The following MYL9 variants were observed in gnomAD, a reference collection of about 807,000 sequenced individuals.
MYL9 encodes myosin regulatory light polypeptide 9.
Under a neutral mutation model 12.8 loss-of-function variants are expected in MYL9, and 7 were observed. That is an observed-to-expected ratio of 0.55 (90% CI 0.31 to 1.03). The LOEUF is 1.03. Ranked by LOEUF, MYL9 falls within the 50% of genes least tolerant of loss-of-function variation. MYL9 has a pLI of 0.05. For synonymous variants in MYL9, 81 were observed against 87.8 expected, an observed-to-expected ratio of 0.92 and a Z score of 0.43; for missense variants, 190 against 242.7, an observed-to-expected ratio of 0.78 and a Z score of 1.44.
chr20:36,551,383 A>T lies in MYL9; in HGVS notation c.*2134A>T, dbSNP rs1005267697. The stretch of plus-strand genomic sequence containing the variant: ...GCAGATTTAAATGCATGAAGTCAAC[A>T]TTCTTTTTGTAGAGCTAAAGAAACC... On this transcript the variant is annotated 3_prime_UTR_variant, in exon 4 of 4. Coordinates refer to ENST00000279022, the MANE Select transcript of MYL9 (RefSeq NM_006097.5). 1 of 152,236 alleles carries T rather than the reference A, an allele frequency of 6.6e-6. No individual in the cohort carries two copies. The highest frequency in any genetic ancestry group is 1.5e-5 in the Non-Finnish European group (1 of 68,044). The allele number at this position is 152,236 out of a possible 1,614,324, so 9.4% of individuals were successfully genotyped here.
chr20:36,545,731 T>C (rs58415912), intron 2 of MYL9, among the ~76,000 whole-genome samples: 15,785 of 151,216 alleles, frequency 0.1, 1,585 homozygotes, highest in African/African-American at 0.26. Context: ...AAGATCGAGA[T>C]CATCCTGGCT....
At position 36,549,059 on chromosome 20, in the gene MYL9, C is replaced by T; in HGVS notation, c.347-18C>T. 6.2e-7 allele frequency: 1 copy of T among 1,609,464 alleles called. No homozygotes were observed. The highest frequency in any genetic ancestry group is 8.5e-7 in the Non-Finnish European group (1 of 1,178,082). Reference sequence around the variant, plus strand: ...CAGCCCAAGTTCCTGCTCTCACCCACCCTGCCCCTGCCCGCAGGTTTCATC... The same window carrying T: ...CAGCCCAAGTTCCTGCTCTCACCCATCCTGCCCCTGCCCGCAGGTTTCATC... On this transcript the variant is annotated intron_variant, in intron 3 of 3. Coordinates refer to ENST00000279022, the MANE Select transcript of MYL9 (RefSeq NM_006097.5).
chr20:36,542,322 G>A (rs914349752), intron 1 of MYL9, among the ~76,000 whole-genome samples: 1 of 152,176 alleles, frequency 6.6e-6, no homozygotes, highest in Non-Finnish European at 1.5e-5. Context: ...CCAGCTCCAG[G>A]GGCTGGAGGT....
At chr20:36,548,551 G>A (rs942642292) in intron 3 of MYL9, among the ~76,000 whole-genome samples, 1 of 152,152 alleles carries the variant, frequency 6.6e-6, no homozygotes, top group African/African-American at 2.4e-5. Context: ...TTTTCCCAGG[G>A]ACATGTCAGG....
Position 36,549,411 on chromosome 20 carries a change from C to A in MYL9, c.*162C>A. On this transcript the variant is annotated 3_prime_UTR_variant, in exon 4 of 4. Coordinates refer to ENST00000279022, the MANE Select transcript of MYL9 (RefSeq NM_006097.5). ...GAAACAGGCCAGGAGAAGTGCGTGCCGAGCTGAGGCAGATGTTCCCACAGT... is the reference window on the plus strand; with the variant it reads ...GAAACAGGCCAGGAGAAGTGCGTGCAGAGCTGAGGCAGATGTTCCCACAGT... 1.5e-6 allele frequency: 1 copy of A among 652,928 alleles called. No individual in the cohort carries two copies. The highest frequency in any genetic ancestry group is 1.9e-5 in the South Asian group (1 of 51,500). The allele number at this position is 652,928 out of a possible 1,614,324, so 40.4% of individuals were successfully genotyped here.
chr20:36,542,984 G>A (rs1168201671), intron 1 of MYL9, among the ~76,000 whole-genome samples: 1 of 152,330 alleles, frequency 6.6e-6, no homozygotes, highest in African/African-American at 2.4e-5. Context: ...GACAGTGATG[G>A]CCATCACAGC....
intron 1 of MYL9, among the ~76,000 whole-genome samples, chr20:36,543,878 C>T (rs1277883635): frequency 6.6e-6 from 1 of 152,042 alleles, no homozygotes; most frequent in East Asian, 1.9e-4. Flanking sequence ...CTGGGAGTGT[C>T]CAGGGAACTG....
rs748377517 is a variant in MYL9 at position 36,545,070 on chromosome 20, T to C, written c.184+2T>C. Reference sequence around the variant, plus strand: ...TGCACGACATGCTGGCCTCGCTGGGTGAGCTGGGACAGGGACAGGGGTGAG... The same window carrying C: ...TGCACGACATGCTGGCCTCGCTGGGCGAGCTGGGACAGGGACAGGGGTGAG... On this transcript the variant is annotated splice_donor_variant, in intron 2 of 3. Transcript: ENST00000279022. LOFTEE classifies it high-confidence loss of function. The C allele has an allele frequency of 6.2e-7, 1 of 1,613,664 alleles. No individual in the cohort carries two copies. The highest frequency in any genetic ancestry group is 1.7e-5 in the Admixed American group (1 of 59,996).
At position 36,549,393 on chromosome 20, in the gene MYL9, GC is replaced by G; in HGVS notation, c.*146del. The G allele has an allele frequency of 1.4e-6, 1 of 732,888 alleles. No individual in the cohort carries two copies. The highest frequency in any genetic ancestry group is 2.2e-6 in the Non-Finnish European group (1 of 450,336). 45.4% of individuals were successfully genotyped at this position (732,888 alleles called of 1,614,324 possible). On this transcript the variant is annotated 3_prime_UTR_variant, in exon 4 of 4. Coordinates refer to ENST00000279022, the MANE Select transcript of MYL9 (RefSeq NM_006097.5). ...TCCCAGTTCCCAGTGGAAGAAACAGGCCAGGAGAAGTGCGTGCCGAGCTGAG... is the reference window on the plus strand; with the variant it reads ...TCCCAGTTCCCAGTGGAAGAAACAGGCAGGAGAAGTGCGTGCCGAGCTGAG...
At chr20:36,547,379 A>T (rs759809019) in intron 2 of MYL9, among the ~76,000 whole-genome samples, 3 of 152,258 alleles carry the variant, frequency 2.0e-5, no homozygotes, top group Non-Finnish European at 4.4e-5. Context: ...AAGGTCACAC[A>T]GCTACCAAGT....
chr20:36,545,208 G>C (rs2038080627), intron 2 of MYL9, 140 bp downstream of exon 2: 1 of 1,054,172 alleles, frequency 9.5e-7, no homozygotes. Context: ...CATTCAACAG[G>C]GAAACTGGGC....
At chr20:36,544,809 T>C in intron 1 of MYL9, 50 bp from the exon 2 acceptor site, 1 of 1,488,096 alleles carries the variant, frequency 6.7e-7, no homozygotes, top group Non-Finnish European at 9.1e-7. Flanking sequence ...GGCAGGAAGA[T>C]TCCCTGGCCC....
rs181508966 is a variant in MYL9 at position 36,545,429 on chromosome 20, G to A, written c.184+361G>A. Among the ~76,000 whole-genome samples, 1,270 of 151,394 alleles carry A rather than the reference G, an allele frequency of 8.4e-3. 11 individuals are homozygous for A. Among genetic ancestry groups the A allele is most frequent in the Non-Finnish European group, 0.011 (773 of 67,842 alleles). ...GGAGAATGGCGTGAACCCGGAAAGC[G>A]GAGGTTGCAGTGAGCCGAGATCGCC... On this transcript the variant is annotated intron_variant, in intron 2 of 3. Coordinates refer to ENST00000279022, the MANE Select transcript of MYL9 (RefSeq NM_006097.5).
intron 1 of MYL9, among the ~76,000 whole-genome samples, chr20:36,542,197 G>A (rs2038045419): frequency 6.6e-6 from 1 of 152,156 alleles, no homozygotes. Context: ...CACCCCTAGG[G>A]GGCAGGACGA....
At chr20:36,545,925 A>G (rs1034423384) in intron 2 of MYL9, among the ~76,000 whole-genome samples, 1 of 152,224 alleles carries the variant, frequency 6.6e-6, no homozygotes, top group African/African-American at 2.4e-5. Flanking sequence ...GTCTCAAAAC[A>G]GAAAGAAAGG....
chr20:36,547,678 C>T (rs140634670), intron 2 of MYL9, among the ~76,000 whole-genome samples: 2,812 of 152,312 alleles, frequency 0.018, 87 homozygotes, highest in African/African-American at 0.064. Context: ...GCTTCCATAC[C>T]TGTGAAGTGG....
intron 1 of MYL9, among the ~76,000 whole-genome samples, chr20:36,544,395 G>A (rs1049941914): frequency 2.0e-5 from 3 of 152,136 alleles, no homozygotes; most frequent in African/African-American, 7.2e-5. Context: ...TGGCAGCCCA[G>A]GAGAGCCCTC....
In MYL9 at chr20:36,543,431, T is replaced by C. The variant is rs112617516; in HGVS notation, c.-26-1428T>C. 5.0e-3 allele frequency among the ~76,000 whole-genome samples: 762 copies of C among 152,222 alleles called. 7 individuals are homozygous for C. Among genetic ancestry groups the C allele is most frequent in the African/African-American group, 0.018 (734 of 41,556 alleles). On this transcript the variant is annotated intron_variant, in intron 1 of 3. Coordinates refer to ENST00000279022, the MANE Select transcript of MYL9 (RefSeq NM_006097.5). ...GGGGTGAACAACAGGCAGAGGAGGC[T>C]TCCTGGAGGCCCTGGGCCCGGGGGT...
At position 36,546,296 on chromosome 20, in the gene MYL9, A is replaced by G. The variant is rs6026713; in HGVS notation, c.184+1228A>G. Among the ~76,000 whole-genome samples the G allele has an allele frequency of 7.2e-3, 1,094 of 152,252 alleles. 15 individuals carry two copies. Among genetic ancestry groups the G allele is most frequent in the African/African-American group, 0.025 (1,029 of 41,546 alleles). On this transcript the variant is annotated intron_variant, in intron 2 of 3. Coordinates refer to ENST00000279022, the MANE Select transcript of MYL9 (RefSeq NM_006097.5). The stretch of plus-strand genomic sequence containing the variant: ...CGTACCCCTCATGCCGAGTGACAGC[A>G]TCCAGACCAGACACTGCCTGGGGGA...
Sources: allele counts gnomAD v4.1 joint callset (sites outside exome capture counted in the v4.1 genomes callset), GRCh38; gene constraint gnomAD v4.1.1; transcripts MANE v1.5; gene names NCBI Gene and HGNC (gene_info 2026-07-23, HGNC 2026-07-21).